Variants in MYCBP2 observed in about 807,000 individuals in gnomAD.
The protein encoded by MYCBP2 is E3 ubiquitin-protein ligase MYCBP2.
MYCBP2 carries 120 observed loss-of-function variants against 525.3 expected under a neutral mutation model. The observed-to-expected ratio is 0.23, with a 90% CI of 0.20 to 0.27. The LOEUF is 0.27. Ranked by LOEUF, MYCBP2 falls within the 10% of genes least tolerant of loss-of-function variation. MYCBP2 has a pLI of 1.00. For missense variants in MYCBP2, 4,149 were observed against 5,657.1 expected (o/e 0.73, Z 8.55); for synonymous variants, 1,894 against 1,955.8 (o/e 0.97, Z 0.83).
At chr13:77,191,352 C>G (rs963611853) in intron 28 of MYCBP2, among the ~76,000 whole-genome samples, 1 of 152,168 alleles carries the variant, frequency 6.6e-6, no homozygotes, top group Non-Finnish European at 1.5e-5. Context: ...ATATCTACTT[C>G]TTTTTTATGG....
chr13:77,257,941 A>C, intron 13 of MYCBP2, 112 bp from the exon 14 acceptor site: 1 of 822,146 alleles, frequency 1.2e-6, no homozygotes, highest in South Asian at 2.3e-5. Context: ...AACTCAACAA[A>C]ATGAGAAATA....
chr13:77,305,798 C>A (rs2079344337), intron 1 of MYCBP2, among the ~76,000 whole-genome samples: 1 of 152,084 alleles, frequency 6.6e-6, no homozygotes, highest in Admixed American at 6.5e-5. Context: ...CATATGATCA[C>A]TTCAATAGAA....
intron 26 of MYCBP2, among the ~76,000 whole-genome samples, chr13:77,195,458 G>A (rs61964703): frequency 1.6e-3 from 237 of 152,210 alleles, no homozygotes; most frequent in African/African-American, 5.4e-3. Flanking sequence ...TTAGCTGGGC[G>A]TGGTGGCACA....
At chr13:77,304,957 A>G (rs1361846226) in intron 1 of MYCBP2, among the ~76,000 whole-genome samples, 1 of 152,058 alleles carries the variant, frequency 6.6e-6, no homozygotes, top group African/African-American at 2.4e-5. Context: ...CAAGGGAAAA[A>G]AAATGTAATA....
intron 80 of MYCBP2, among the ~76,000 whole-genome samples, chr13:77,055,126 G>A (rs1442728420): frequency 7.7e-6 from 1 of 130,138 alleles, no homozygotes; most frequent in Non-Finnish European, 1.8e-5. Context: ...TATGTAAGGG[G>A]TAGGTTAAAA....
At chr13:77,315,869 T>C (rs1254534213) in intron 1 of MYCBP2, among the ~76,000 whole-genome samples, 1 of 134,494 alleles carries the variant, frequency 7.4e-6, no homozygotes, top group African/African-American at 2.9e-5. Flanking sequence ...CACTCCAGCC[T>C]GGGCAACAGA....
chr13:77,221,082 A>C (rs895061080), intron 20 of MYCBP2, among the ~76,000 whole-genome samples: 9 of 152,172 alleles, frequency 5.9e-5, no homozygotes, highest in African/African-American at 2.2e-4. Context: ...TTGCCTCTAC[A>C]GTTCCAGGTT....
At position 77,098,939 on chromosome 13, in the gene MYCBP2, T is replaced by C; in HGVS notation, c.8215A>G (p.Ser2739Gly). ...CGTCCATCAGGTTTAAGCGATCTGC[T>C]GTGTTTAGAGGACAGCTCTGATTTT... ...SGKSELSSKH[S>G]RSLKPDGRMS... is the part of the protein sequence containing the mutation. Residue 2739 changes from serine (S) to glycine (G), a missense_variant, in exon 56 of 83, where the codon AGC becomes GGC. Around this residue, in one of 21 missense-constraint regions of MYCBP2, gnomAD observed 653 missense variants for 744.7 expected, o/e 0.88. Transcript: ENST00000544440. 6.2e-7 allele frequency: 1 copy of C among 1,613,430 alleles called. No homozygotes were observed. The highest frequency in any genetic ancestry group is 8.5e-7 in the Non-Finnish European group (1 of 1,179,734).
At position 77,180,299 on chromosome 13, in the gene MYCBP2, C is replaced by T; in HGVS notation, c.4961G>A (p.Gly1654Glu). The T allele has an allele frequency of 1.2e-6, 2 of 1,614,042 alleles. No homozygotes were observed. Among genetic ancestry groups the T allele is most frequent in the Non-Finnish European group, 1.7e-6 (2 of 1,179,946 alleles). Residue 1654 changes from glycine (G) to glutamate (E), a missense_variant, in exon 34 of 83, where the codon GGG (glycine) becomes GAG (glutamate). Gly to Glu is a moderately conservative substitution (Grantham distance 98). Transcript: ENST00000544440. ...CAGAACTTCACGGAAGCTTGTCATC[C>T]CTGAGATATTCTCTTCACTCTGCGA... ...KLSQSEENIS[G>E]MTSFREVLEK...
rs991152042 is a variant in MYCBP2, at chr13:77,326,349, G to A, written c.302+125C>T. 2 of 940,658 alleles carry A rather than the reference G, an allele frequency of 2.1e-6. No individual in the cohort carries two copies. Among genetic ancestry groups the A allele is most frequent in the Admixed American group, 6.8e-5 (2 of 29,408 alleles). The allele number at this position is 940,658 out of a possible 1,614,324, so 58.3% of individuals were successfully genotyped here. A position where few individuals can be genotyped will look rare whatever the true frequency, so the allele number is the denominator to read the frequency against. ...GCTCCTGCCAACAGACATCCAGAGCGGACTGAAAGCTCAATAAATGCGCAG... is the reference window on the plus strand; with the variant it reads ...GCTCCTGCCAACAGACATCCAGAGCAGACTGAAAGCTCAATAAATGCGCAG... On this transcript the variant is annotated intron_variant, in intron 1 of 82. Coordinates refer to ENST00000544440, the MANE Select transcript of MYCBP2 (RefSeq NM_015057.5). The surrounding 1 kb of genome is among the most constrained non-coding windows in gnomAD (Gnocchi z 4.2).
At chr13:77,245,408 T>C (rs889799895) in intron 15 of MYCBP2, among the ~76,000 whole-genome samples, 9 of 152,166 alleles carry the variant, frequency 5.9e-5, no homozygotes, top group Non-Finnish European at 1.2e-4. Context: ...ATATTCACTA[T>C]GGAATACTAT....
chr13:77,159,454 A>G (rs1203061957), intron 44 of MYCBP2, among the ~76,000 whole-genome samples: 1 of 152,106 alleles, frequency 6.6e-6, no homozygotes, highest in Non-Finnish European at 1.5e-5. Context: ...CTTATATACC[A>G]TAATAATCCC....
chr13:77,178,052 T>G, intron 34 of MYCBP2, 98 bp from the exon 35 acceptor site: 1 of 727,542 alleles, frequency 1.4e-6, no homozygotes, highest in South Asian at 1.6e-5. Context: ...CTTTATTTAA[T>G]AAGTGGATAT....
chr13:77,150,610 A>T, intron 47 of MYCBP2, 124 bp downstream of exon 47: 2 of 749,428 alleles, frequency 2.7e-6, no homozygotes, highest in East Asian at 5.3e-5. Flanking sequence ...TGTTGCTGCA[A>T]ATTTAATATC....
At chr13:77,275,643 T>C (rs1319252255) in intron 4 of MYCBP2, among the ~76,000 whole-genome samples, 1 of 152,020 alleles carries the variant, frequency 6.6e-6, no homozygotes, top group African/African-American at 2.4e-5. Flanking sequence ...GGCAATATAG[T>C]AAGATCCTGT....
At chr13:77,242,648 A>G (rs1437939762) in intron 17 of MYCBP2, among the ~76,000 whole-genome samples, 1 of 152,238 alleles carries the variant, frequency 6.6e-6, no homozygotes, top group Admixed American at 6.5e-5. Flanking sequence ...ATGAGTAAGA[A>G]AATAGAAATG....
chr13:77,133,550 T>C (rs1432675225), intron 52 of MYCBP2, among the ~76,000 whole-genome samples: 1 of 151,984 alleles, frequency 6.6e-6, no homozygotes, highest in Non-Finnish European at 1.5e-5. Flanking sequence ...TAAACACAAA[T>C]GGGCTGAAGG....
At chr13:77,296,796 G>T in intron 1 of MYCBP2, 122 bp from the exon 2 acceptor site, 1 of 779,334 alleles carries the variant, frequency 1.3e-6, no homozygotes, top group Non-Finnish European at 1.9e-6. Flanking sequence ...ATTTCTTTAT[G>T]TGAAACAATA....
rs35429706 is a variant in MYCBP2, at chr13:77,243,965, C to CAAAAAAA, written c.2382-21_2382-15dup. ...CAACCACAGATCCTAGGGGGAAATACAAAAAAAAAAAAAAAAGACAACTGA... is the reference window on the plus strand; with the variant it reads ...CAACCACAGATCCTAGGGGGAAATACAAAAAAAAAAAAAAAAAAAAAAAGACAACTGA... On this transcript the variant is annotated splice_polypyrimidine_tract_variant and intron_variant, in intron 15 of 82. Transcript: ENST00000544440. 5.9e-6 allele frequency: 7 copies of CAAAAAAA among 1,192,164 alleles called. No individual in the cohort carries two copies. Among genetic ancestry groups the CAAAAAAA allele is most frequent in the Admixed American group, 8.7e-5 (2 of 23,104 alleles). The allele number at this position is 1,192,164 out of a possible 1,614,324, so 73.8% of individuals were successfully genotyped here. A position where few individuals can be genotyped will look rare whatever the true frequency, so the allele number is the denominator to read the frequency against.
Sources: gnomAD v4.1 joint callset for allele counts (sites outside exome capture counted in the v4.1 genomes callset) on GRCh38, gnomAD v4.1.1 for gene constraint, gnomAD v4.1.1 regional missense constraint, Gnocchi (gnomAD v3.1) non-coding constraint, MANE v1.5 for transcripts, NCBI Gene and HGNC (gene_info 2026-07-23, HGNC 2026-07-21) for gene names.